The following ADCY8 variants were observed in gnomAD, a reference collection of about 807,000 sequenced individuals.
The protein encoded by ADCY8 is adenylate cyclase 8, also known as adenylate cyclase type 8.
In ADCY8, 51 loss-of-function variants were observed where a neutral mutation model predicts 119.7. That is an observed-to-expected ratio of 0.43 (90% confidence interval 0.34 to 0.54). ADCY8 has a LOEUF of 0.54. Among genes scored for constraint, ADCY8 ranks in the 20% least tolerant of loss-of-function variants. The pLI is 0.03. For synonymous variants in ADCY8, 665 were observed against 651.0 expected, an observed-to-expected ratio of 1.02 and a Z score of -0.33; for missense variants, 1,383 against 1,598.8, an observed-to-expected ratio of 0.87 and a Z score of 2.30.
rs767448924 is a variant in ADCY8 at position 130,943,428 on chromosome 8, G to A, written c.1276C>T (p.Leu426Phe). 3.5e-6 allele frequency: 5 copies of A among 1,415,040 alleles called. No individual in the cohort carries two copies. The highest frequency in any genetic ancestry group is 2.0e-4 in the Middle Eastern group (1 of 5,072). The allele number at this position is 1,415,040 out of a possible 1,614,324, so 87.7% of individuals were successfully genotyped here. Reference protein sequence around the residue: ...LFADVKGFTNLSTTLSAQELV... With the variant: ...LFADVKGFTNFSTTLSAQELV... ...TCCTGAGCAGACAAGGTCGTGGAGA[G>A]GTTGGTAAATCCTTTAACATCTGCA... Residue 426 changes from leucine to phenylalanine, a missense_variant, in exon 4 of 18, where the codon CTC becomes TTC. Coordinates refer to ENST00000286355, the MANE Select transcript of ADCY8 (RefSeq NM_001115.3).
chr8:130,960,099 A>T (rs1365015252), intron 2 of ADCY8, among the ~76,000 whole-genome samples: 1 of 152,238 alleles, frequency 6.6e-6, no homozygotes, highest in Non-Finnish European at 1.5e-5. Context: ...AAGGAAACTT[A>T]GACCAAATTC....
chr8:130,989,342 T>C (rs1311347645), intron 2 of ADCY8, among the ~76,000 whole-genome samples: 1 of 152,168 alleles, frequency 6.6e-6, no homozygotes, highest in Admixed American at 6.5e-5. Context: ...CTTCACTTAC[T>C]TCAAAGATCC....
At chr8:130,814,021 T>A in intron 14 of ADCY8, 48 bp downstream of exon 14, 1 of 1,607,348 alleles carries the variant, frequency 6.2e-7, no homozygotes, top group Non-Finnish European at 8.5e-7. Flanking sequence ...CAACTGCACA[T>A]CACCCACCAC....
chr8:130,918,886 C>T (rs1760761884), intron 5 of ADCY8, among the ~76,000 whole-genome samples: 1 of 152,204 alleles, frequency 6.6e-6, no homozygotes, highest in South Asian at 2.1e-4. Context: ...CATGATGAAA[C>T]CCCATCTCTA....
At chr8:130,792,921 T>A (rs1377910820) in intron 15 of ADCY8, among the ~76,000 whole-genome samples, 1 of 152,164 alleles carries the variant, frequency 6.6e-6, no homozygotes, top group Non-Finnish European at 1.5e-5. Context: ...CTTCTCTCCA[T>A]CAGCCACTGA....
chr8:130,788,274 T>C (rs1256653029), intron 15 of ADCY8, among the ~76,000 whole-genome samples: 1 of 152,166 alleles, frequency 6.6e-6, no homozygotes, highest in Non-Finnish European at 1.5e-5. Flanking sequence ...ATTCAAAAAA[T>C]GTGTTATATA....
At chr8:130,915,141 A>C (rs1406895936) in intron 5 of ADCY8, among the ~76,000 whole-genome samples, 1 of 152,214 alleles carries the variant, frequency 6.6e-6, no homozygotes, top group Non-Finnish European at 1.5e-5. Context: ...CGTAATTATC[A>C]TTATTATTTT....
In ADCY8 at chr8:131,029,302, C is replaced by T. The variant is rs148523678; in HGVS notation, c.960+10072G>A. ...ACAATAATTTCATTATATATTACAACGTAATAATAACAGAGATAAAATACA... is the reference window on the plus strand; with the variant it reads ...ACAATAATTTCATTATATATTACAATGTAATAATAACAGAGATAAAATACA... On this transcript the variant is annotated intron_variant, in intron 1 of 17. Coordinates refer to ENST00000286355, the MANE Select transcript of ADCY8 (RefSeq NM_001115.3). Among the ~76,000 whole-genome samples the T allele has an allele frequency of 7.0e-3, 1,061 of 152,258 alleles. 17 individuals carry two copies. Among genetic ancestry groups the T allele is most frequent in the African/African-American group, 0.023 (976 of 41,548 alleles).
intron 3 of ADCY8, among the ~76,000 whole-genome samples, chr8:130,945,720 T>C (rs1274107022): frequency 6.6e-6 from 1 of 152,192 alleles, no homozygotes; most frequent in Non-Finnish European, 1.5e-5. Flanking sequence ...AATATGGCCA[T>C]TCATTTGATT....
intron 9 of ADCY8, among the ~76,000 whole-genome samples, chr8:130,861,497 T>C (rs1171535019): frequency 6.6e-6 from 1 of 152,204 alleles, no homozygotes; most frequent in Admixed American, 6.5e-5. Flanking sequence ...ATGGCTGATA[T>C]AAAGGAAAAC....
chr8:131,033,756 A>G (rs1824063631), intron 1 of ADCY8, among the ~76,000 whole-genome samples: 4 of 151,984 alleles, frequency 2.6e-5, no homozygotes, highest in African/African-American at 9.7e-5. Context: ...CTCCACCAAC[A>G]CACATACACA....
chr8:130,849,652 T>G lies in ADCY8; in HGVS notation c.2362A>C (p.Ile788Leu), dbSNP rs777390566. ...INETYLARNV[I>L]IFASILINFL... ...TTAATCAAAATGGATGCAAAGATGA[T>G]GACGTTCCGGGCCAAATAGGTCTCA... Residue 788 changes from isoleucine to leucine, a missense_variant, in exon 10 of 18, where the codon ATC becomes CTC. By Grantham distance (5) the Ile-to-Leu change is conservative (BLOSUM62 2). Transcript: ENST00000286355. The G allele has an allele frequency of 5.0e-6, 8 of 1,613,938 alleles. No individual in the cohort carries two copies. The highest frequency in any genetic ancestry group is 5.9e-6 in the Non-Finnish European group (7 of 1,179,934).
chr8:130,821,424 T>C lies in ADCY8; in HGVS notation c.2676-4A>G, dbSNP rs1057456527. 10 of 1,611,968 alleles carry C rather than the reference T, an allele frequency of 6.2e-6. No individual in the cohort carries two copies. Among genetic ancestry groups the C allele is most frequent in the African/African-American group, 1.3e-5 (1 of 74,858 alleles). On this transcript the variant is annotated splice_polypyrimidine_tract_variant and splice_region_variant and intron_variant, in intron 12 of 17. Coordinates refer to ENST00000286355, the MANE Select transcript of ADCY8 (RefSeq NM_001115.3). ...CTCCTTGGTCCCCAGGAAATCTCTG[T>C]TGGAAGAAAAAAGGAACTGATAACC...
At chr8:131,001,600 CTATA>C (rs66692803) in intron 1 of ADCY8, among the ~76,000 whole-genome samples, 3,424 of 147,292 alleles carry the variant, frequency 0.023, 44 homozygotes, top group East Asian at 0.055. Flanking sequence ...TATACACATA[CTATA>C]TATACAAATA....
At chr8:130,813,697 A>C (rs1031603064) in intron 14 of ADCY8, among the ~76,000 whole-genome samples, 4 of 152,206 alleles carry the variant, frequency 2.6e-5, no homozygotes, top group African/African-American at 9.7e-5. Flanking sequence ...CTAGATATAC[A>C]AATATGTCTT....
chr8:130,896,904 G>A (rs1819409873), intron 7 of ADCY8, among the ~76,000 whole-genome samples: 2 of 152,058 alleles, frequency 1.3e-5, no homozygotes, highest in South Asian at 4.2e-4. Context: ...CAGTCTTGGA[G>A]CCTGTGTCTG....
At chr8:130,976,218 A>G (rs1348672508) in intron 2 of ADCY8, among the ~76,000 whole-genome samples, 1 of 152,160 alleles carries the variant, frequency 6.6e-6, no homozygotes, top group Non-Finnish European at 1.5e-5. Flanking sequence ...TTTAAGAAAA[A>G]CTGTGAAAAT....
chr8:130,783,557 C>T lies in ADCY8; in HGVS notation c.3268+134G>A, dbSNP rs550394047. On this transcript the variant is annotated intron_variant, in intron 17 of 17. Coordinates refer to ENST00000286355, the MANE Select transcript of ADCY8 (RefSeq NM_001115.3). The stretch of plus-strand genomic sequence containing the variant: ...AGGCCTGAGCTGACCTTGTCCCTAT[C>T]CTTGGCAGGGTCATGCTAGATCTAT... The T allele has an allele frequency of 6.6e-6, 4 of 602,998 alleles. No individual in the cohort carries two copies. In the East Asian group the frequency reaches 8.6e-5, roughly 13 times the overall value. The allele number at this position is 602,998 out of a possible 1,614,324, so 37.4% of individuals were successfully genotyped here.
chr8:130,943,497 G>GGGGCCCCCCCCCC, intron 3 of ADCY8, 35 bp from the exon 4 acceptor site: 1 of 491,356 alleles, frequency 2.0e-6, no homozygotes, highest in Non-Finnish European at 4.2e-6. Flanking sequence ...GTGGGGGGAG[G>GGGGCCCCCCCCCC]AAGTATATTA....
Sources: allele counts gnomAD v4.1 joint callset (sites outside exome capture counted in the v4.1 genomes callset), GRCh38; gene constraint gnomAD v4.1.1; transcripts MANE v1.5; gene names NCBI Gene and HGNC (gene_info 2026-07-23, HGNC 2026-07-21).